The following TINAG variants were observed in gnomAD, a reference collection of about 807,000 sequenced individuals.
The protein encoded by TINAG is tubulointerstitial nephritis antigen.
In TINAG, 83 loss-of-function variants were observed where a neutral mutation model predicts 72.7. The observed-to-expected ratio is 1.14, with a 90% confidence interval of 0.96 to 1.37. The LOEUF is 1.37. Among genes scored for constraint, TINAG ranks in the 40% most tolerant of loss-of-function variants. The pLI is 0.00. For synonymous variants in TINAG, 234 were observed against 189.9 expected, an observed-to-expected ratio of 1.23 and a Z score of -1.91; for missense variants, 685 against 576.6, an observed-to-expected ratio of 1.19 and a Z score of -1.93.
intron 4 of TINAG, among the ~76,000 whole-genome samples, chr6:54,334,210 C>T (rs78565125): frequency 5.9e-5 from 9 of 152,258 alleles, no homozygotes; most frequent in South Asian, 2.1e-4. Flanking sequence ...TATGAATGCC[C>T]GGGGCAGAGT....
At chr6:54,387,532 T>A (rs1328626839) in intron 10 of TINAG, among the ~76,000 whole-genome samples, 1 of 152,170 alleles carries the variant, frequency 6.6e-6, no homozygotes, top group Admixed American at 6.6e-5. Flanking sequence ...TAGGAAAACC[T>A]GATGGGGAGT....
Position 54,345,332 on chromosome 6 carries a change from C to T in TINAG, c.748+1983C>T, listed in dbSNP as rs371949022. Among the ~76,000 whole-genome samples, 19 of 152,148 alleles carry T rather than the reference C, an allele frequency of 1.2e-4. No homozygotes were observed. The East Asian group carries it at 2.9e-3, about 23-fold the overall frequency. On this transcript the variant is annotated intron_variant, in intron 5 of 10. Transcript: ENST00000259782. Reference sequence around the variant, plus strand: ...TATTGCATAACATTAGGATTTAAAACATTTATCCTTCAGTTGAAATCTACA... The same window carrying T: ...TATTGCATAACATTAGGATTTAAAATATTTATCCTTCAGTTGAAATCTACA...
At chr6:54,386,915 C>A (rs907976218) in intron 10 of TINAG, among the ~76,000 whole-genome samples, 2 of 151,992 alleles carry the variant, frequency 1.3e-5, no homozygotes, top group African/African-American at 4.8e-5. Context: ...AATTATCAGA[C>A]TACATTAAAA....
intron 9 of TINAG, among the ~76,000 whole-genome samples, chr6:54,366,631 G>A (rs1763430194): frequency 6.6e-6 from 1 of 150,934 alleles, no homozygotes; most frequent in Admixed American, 6.6e-5. Flanking sequence ...AGAAGAAAGT[G>A]CCAATGTCCA....
intron 10 of TINAG, among the ~76,000 whole-genome samples, chr6:54,388,814 T>TAA (rs564930939): frequency 6.8e-6 from 1 of 147,826 alleles, no homozygotes; most frequent in African/African-American, 2.5e-5. Context: ...AAAGAGGAAT[T>TAA]AAAAAAAAAA....
At position 54,308,638 on chromosome 6, in the gene TINAG, G is replaced by A. The variant is rs1441036788; in HGVS notation, c.88G>A (p.Asp30Asn). ...EKQYLSQREV[D>N]LEAYFTRNHT... ...GCAGTATTTATCTCAAAGAGAAGTG[G>A]ACCTAGAGGCTTATTTCACTAGGAA... The change falls in exon 1 of 11, where the codon GAC (aspartate) becomes AAC (asparagine). Residue 30 changes from aspartate (D) to asparagine (N), a missense_variant. By Grantham distance (23) the Asp-to-Asn change is conservative. Transcript: ENST00000259782. 1 of 1,613,712 alleles carries A rather than the reference G, an allele frequency of 6.2e-7. No homozygotes were observed. Among genetic ancestry groups the A allele is most frequent in the Non-Finnish European group, 8.5e-7 (1 of 1,179,824 alleles).
chr6:54,374,527 C>CT (rs1411155263), intron 9 of TINAG, among the ~76,000 whole-genome samples: 1 of 152,058 alleles, frequency 6.6e-6, no homozygotes, highest in African/African-American at 2.4e-5. Flanking sequence ...TAGGCATGAG[C>CT]TTTTCTTAAA....
Position 54,347,537 on chromosome 6 carries a change from G to A in TINAG, c.899+20G>A, listed in dbSNP as rs779731167. The A allele has an allele frequency of 5.6e-6, 9 of 1,609,492 alleles. No individual in the cohort carries two copies. In the South Asian group the frequency reaches 9.9e-5, roughly 18 times the overall value. ...ACGTGGGTAAATAGCTGCTCAACATGTGTTTCTAGGATTTTTATGAATGAT... is the reference window on the plus strand; with the variant it reads ...ACGTGGGTAAATAGCTGCTCAACATATGTTTCTAGGATTTTTATGAATGAT... On this transcript the variant is annotated intron_variant, in intron 6 of 10. Coordinates refer to ENST00000259782, the MANE Select transcript of TINAG (RefSeq NM_014464.4).
At chr6:54,341,472 C>T (rs1784994537) in intron 4 of TINAG, among the ~76,000 whole-genome samples, 1 of 152,122 alleles carries the variant, frequency 6.6e-6, no homozygotes, top group African/African-American at 2.4e-5. Flanking sequence ...TTGGCACTTT[C>T]TTCCATCATC....
At chr6:54,375,152 G>A (rs1327550143) in intron 9 of TINAG, among the ~76,000 whole-genome samples, 1 of 152,006 alleles carries the variant, frequency 6.6e-6, no homozygotes, top group Admixed American at 6.6e-5. Context: ...TTGTGAGACT[G>A]GCTTTAAGGA....
At chr6:54,385,778 A>G (rs116188692) in intron 10 of TINAG, among the ~76,000 whole-genome samples, 2 of 152,012 alleles carry the variant, frequency 1.3e-5, no homozygotes, top group Non-Finnish European at 2.9e-5. Flanking sequence ...ATAACACTCC[A>G]TAAGTGAAAC....
intron 4 of TINAG, among the ~76,000 whole-genome samples, chr6:54,340,989 T>G (rs950238430): frequency 3.5e-4 from 53 of 152,254 alleles, no homozygotes; most frequent in African/African-American, 1.2e-3. Flanking sequence ...TCTGATAGGC[T>G]TTCAAATGTG....
chr6:54,351,739 CTTTA>C (rs1337059365), intron 8 of TINAG, among the ~76,000 whole-genome samples: 2 of 151,824 alleles, frequency 1.3e-5, no homozygotes, highest in Non-Finnish European at 2.9e-5. Flanking sequence ...ATGAAGCTTA[CTTTA>C]TTTATTCAGT....
In TINAG at chr6:54,389,849, G is replaced by A. The variant is rs201783960; in HGVS notation, c.1355G>A (p.Arg452Gln). 32 of 1,609,326 alleles carry A rather than the reference G, an allele frequency of 2.0e-5. No individual in the cohort carries two copies. Among genetic ancestry groups the A allele is most frequent in the Non-Finnish European group, 2.4e-5 (28 of 1,178,162 alleles). Residue 452 changes from arginine (R) to glutamine (Q), a missense_variant, in exon 11 of 11, where the codon CGA becomes CAA. By Grantham distance (43) the Arg-to-Gln change is conservative. Transcript: ENST00000259782. ...WGENGYFRIL[R>Q]GVNESDIEKL... ...GAGAATGGCTATTTCAGGATTCTTCGAGGAGTAAATGAGTCCGACATTGAA... is the reference window on the plus strand; with the variant it reads ...GAGAATGGCTATTTCAGGATTCTTCAAGGAGTAAATGAGTCCGACATTGAA...
In TINAG at chr6:54,326,894, T is replaced by C. The variant is rs760915197; in HGVS notation, c.602T>C (p.Leu201Pro). 1 of 1,612,672 alleles carries C rather than the reference T, an allele frequency of 6.2e-7. No homozygotes were observed. Among genetic ancestry groups the C allele is most frequent in the East Asian group, 2.2e-5 (1 of 44,830 alleles). ...GGCACTTTGCCACCTAGTCCCATGCTCCTGAGCATGAATGAAATGACAGTA... is the reference window on the plus strand; with the variant it reads ...GGCACTTTGCCACCTAGTCCCATGCCCCTGAGCATGAATGAAATGACAGTA... ...RLGTLPPSPM[L>P]LSMNEMTASL... is the part of the protein sequence containing the mutation. Residue 201 changes from leucine (L) to proline (P), a missense_variant, in exon 4 of 11, where the codon CTC becomes CCC. By Grantham distance (98) the Leu-to-Pro change is moderately conservative. Transcript: ENST00000259782.
At chr6:54,333,318 G>A (rs2150946858) in intron 4 of TINAG, among the ~76,000 whole-genome samples, 1 of 152,154 alleles carries the variant, frequency 6.6e-6, no homozygotes, top group East Asian at 1.9e-4. Context: ...TCTTTTGCAG[G>A]GACATGGATG....
chr6:54,353,813 T>TA (rs1231299336), intron 8 of TINAG, among the ~76,000 whole-genome samples: 9 of 151,768 alleles, frequency 5.9e-5, no homozygotes, highest in Admixed American at 2.6e-4. Context: ...TAATCCCAAT[T>TA]AAAAATTTTC....
chr6:54,354,480 C>A (rs1235537273), intron 8 of TINAG, 33 bp from the exon 9 acceptor site: 1 of 1,572,210 alleles, frequency 6.4e-7, no homozygotes, highest in South Asian at 1.2e-5. Context: ...TATTTTAATA[C>A]TGTGCCATTT....
intron 4 of TINAG, 101 bp from the exon 5 acceptor site, chr6:54,343,125 A>G: frequency 9.3e-7 from 1 of 1,078,902 alleles, no homozygotes; most frequent in Non-Finnish European, 1.2e-6. Flanking sequence ...GATGTATAAA[A>G]TAATTTAAAA....
Sources: gnomAD v4.1 joint callset for allele counts (sites outside exome capture counted in the v4.1 genomes callset) on GRCh38, gnomAD v4.1.1 for gene constraint, MANE v1.5 for transcripts, NCBI Gene and HGNC (gene_info 2026-07-23, HGNC 2026-07-21) for gene names.